Variants in PPEF1 observed in about 807,000 individuals in gnomAD.
PPEF1 encodes the protein protein phosphatase with EF-hand domain 1, also known as serine/threonine-protein phosphatase with EF-hands 1.
PPEF1 carries 12 observed loss-of-function variants against 53.3 expected under a neutral mutation model. The ratio of observed to expected loss-of-function variants is 0.23; its 90% CI spans 0.14 to 0.36. The LOEUF is 0.36. Among genes scored for constraint, PPEF1 ranks in the 10% least tolerant of loss-of-function variants. The pLI, the probability that PPEF1 is intolerant of heterozygous loss-of-function variation, is 1.00. For synonymous variants in PPEF1, 165 were observed against 176.7 expected, an observed-to-expected ratio of 0.93 and a Z score of 0.52; for missense variants, 334 against 490.4, an observed-to-expected ratio of 0.68 and a Z score of 3.01.
upstream of PPEF1, among the ~76,000 whole-genome samples, chrX:18,707,325 C>T (rs771572566): frequency 1.8e-5 from 2 of 111,937 alleles, no homozygotes; most frequent in African/African-American, 3.2e-5. Flanking sequence ...AGCTCCTCCA[C>T]ATCCCATTCC....
intron 12 of PPEF1, among the ~76,000 whole-genome samples, 179 bp downstream of exon 12, chrX:18,806,724 A>G (rs1004112295): frequency 1.8e-5 from 2 of 112,021 alleles, no homozygotes; most frequent in Non-Finnish European, 3.8e-5. Context: ...TTTGAAACCA[A>G]AAAGAGCAAT....
At chrX:18,765,354 C>T (rs902928257) in intron 6 of PPEF1, among the ~76,000 whole-genome samples, 7 of 111,524 alleles carry the variant, frequency 6.3e-5, no homozygotes, top group African/African-American at 2.3e-4. Context: ...CAAGTTTCCA[C>T]TTTAAGAAAC....
chrX:18,820,662 A>G (rs191541026), intron 13 of PPEF1, among the ~76,000 whole-genome samples: 1,928 of 110,402 alleles, frequency 0.017, 45 homozygotes, highest in African/African-American at 0.06. Flanking sequence ...TGGGATTACA[A>G]GCGTGAGCCA....
At chrX:18,729,952 T>C (rs995191294) in intron 1 of PPEF1, among the ~76,000 whole-genome samples, 1 of 112,339 alleles carries the variant, frequency 8.9e-6, no homozygotes, top group African/African-American at 3.2e-5. Flanking sequence ...GCAGTCTTAC[T>C]CCAAAACTTC....
intron 4 of PPEF1, among the ~76,000 whole-genome samples, chrX:18,754,589 A>G (rs1185926759): frequency 9.3e-6 from 1 of 107,843 alleles, no homozygotes; most frequent in Non-Finnish European, 2.0e-5. Context: ...TTGTTTGTTC[A>G]GTTTTTCTTT....
intron 1 of PPEF1, among the ~76,000 whole-genome samples, chrX:18,709,502 G>GTTTTTTTTTTTTTTTTTTTTTTTTT (rs752416903): frequency 9.9e-6 from 1 of 101,093 alleles, no homozygotes; most frequent in South Asian, 4.4e-4. Flanking sequence ...TTTGTTTTTT[G>GTTTTTTTTTTTTTTTTTTTTTTTTT]TTTTTTGTTT....
At chrX:18,690,195 A>G (rs761932122) in intron 3 of PPEF1, among the ~76,000 whole-genome samples, 2 of 111,179 alleles carry the variant, frequency 1.8e-5, no homozygotes, top group Non-Finnish European at 3.8e-5. Context: ...TGCTCAACAA[A>G]TATTTATTTA....
chrX:18,719,140 A>G (rs188510432), intron 1 of PPEF1, among the ~76,000 whole-genome samples: 178 of 112,031 alleles, frequency 1.6e-3, no homozygotes, highest in African/African-American at 5.5e-3. Flanking sequence ...TAAGAATACA[A>G]TAGTTTTTAA....
intron 1 of PPEF1, among the ~76,000 whole-genome samples, chrX:18,712,665 G>A (rs2044354192): frequency 8.9e-6 from 1 of 111,974 alleles, no homozygotes; most frequent in African/African-American, 3.2e-5. Context: ...AGAAATGCAA[G>A]AGTAGCCATC....
chrX:18,783,759 A>G (rs2046144175), intron 8 of PPEF1, 140 bp from the exon 9 acceptor site: 1 of 546,801 alleles, frequency 1.8e-6, no homozygotes, highest in African/African-American at 2.3e-5. Flanking sequence ...GACATGATGA[A>G]TACATGCTAA....
At chrX:18,792,134 G>A (rs147197076) in intron 10 of PPEF1, among the ~76,000 whole-genome samples, 126 of 111,611 alleles carry the variant, frequency 1.1e-3, no homozygotes, top group African/African-American at 3.9e-3. Flanking sequence ...TTGGTCTATG[G>A]TTTTCTTATG....
chrX:18,693,640 C>T lies in PPEF1; in HGVS notation c.-313+2546C>T, dbSNP rs964672919. Among the ~76,000 whole-genome samples, 9 of 112,223 alleles carry T rather than the reference C, an allele frequency of 8.0e-5. No homozygotes were observed. The Admixed American group carries it at 8.5e-4, about 11-fold the overall frequency. ...GGAGTGTAATGGCGCAACCTTGGCT[C>T]ACCGCAACCTCCGCCTCCCGGGTTC... On this transcript the variant is annotated intron_variant, in intron 4 of 21. Transcript: ENST00000361511.
intron 1 of PPEF1, among the ~76,000 whole-genome samples, chrX:18,724,016 G>C (rs1334672169): frequency 1.8e-5 from 2 of 111,135 alleles, no homozygotes; most frequent in African/African-American, 6.5e-5. Context: ...TCAAACTCCT[G>C]AGCTCAGGCA....
At chrX:18,802,771 A>G (rs1434072437) in intron 10 of PPEF1, among the ~76,000 whole-genome samples, 2 of 111,632 alleles carry the variant, frequency 1.8e-5, no homozygotes, top group East Asian at 5.6e-4. Flanking sequence ...GAATGTGACA[A>G]TGAAGTTCTT....
intron 10 of PPEF1, among the ~76,000 whole-genome samples, chrX:18,792,394 T>A (rs1439094709): frequency 8.9e-6 from 1 of 112,108 alleles, no homozygotes; most frequent in Non-Finnish European, 1.9e-5. Context: ...CTGAGTAGTT[T>A]GTGTCTTGGT....
chrX:18,685,936 GAAATTT>G, intron 2 of PPEF1, among the ~76,000 whole-genome samples: 1 of 110,735 alleles, frequency 9.0e-6, no homozygotes, highest in Admixed American at 9.6e-5. Context: ...TTTCAGAAGA[GAAATTT>G]GAATGAATTC....
chrX:18,817,321 C>T (rs1285167319), intron 12 of PPEF1, among the ~76,000 whole-genome samples: 3 of 110,224 alleles, frequency 2.7e-5, no homozygotes, highest in Non-Finnish European at 3.8e-5. Context: ...ATATATTATT[C>T]CCATACATAG....
chrX:18,816,628 C>G (rs1417648585), intron 12 of PPEF1, among the ~76,000 whole-genome samples: 1 of 111,707 alleles, frequency 9.0e-6, no homozygotes, highest in East Asian at 2.8e-4. Flanking sequence ...TGAAAGTCGA[C>G]TATTGAAGTC....
chrX:18,825,574 A>C (rs1034764311), intron 14 of PPEF1, among the ~76,000 whole-genome samples, 177 bp from the exon 15 acceptor site: 9 of 112,212 alleles, frequency 8.0e-5, no homozygotes, highest in African/African-American at 2.9e-4. Context: ...CTGTCCCCTG[A>C]GGATCACAGA....
Sources: gnomAD v4.1 joint callset for allele counts (sites outside exome capture counted in the v4.1 genomes callset) on GRCh38, gnomAD v4.1.1 for gene constraint, MANE v1.5 for transcripts, NCBI Gene and HGNC (gene_info 2026-07-23, HGNC 2026-07-21) for gene names.